PRMT2: variants seen among roughly 807,000 people sequenced by gnomAD.
PRMT2 encodes the protein protein arginine methyltransferase 2, also known as protein arginine N-methyltransferase 2.
PRMT2 carries 26 observed loss-of-function variants against 57.6 expected under a neutral mutation model. The ratio of observed to expected loss-of-function variants is 0.45; its 90% confidence interval spans 0.33 to 0.63. The LOEUF is 0.63. Ranked by LOEUF, PRMT2 falls within the 20% of genes least tolerant of loss-of-function variation. PRMT2 has a pLI of 0.02. For synonymous variants in PRMT2, 219 were observed against 220.0 expected (o/e 1.00, Z 0.04); for missense variants, 472 against 564.4 (o/e 0.84, Z 1.66).
rs748319685 is a variant in PRMT2, at chr21:46,663,420, G to C, written c.1135G>C (p.Asp379His). The C allele has an allele frequency of 3.1e-6, 5 of 1,613,864 alleles. No individual in the cohort carries two copies. In the South Asian group the frequency reaches 3.3e-5, roughly 11 times the overall value. ...GAAGCAGACGCTGTTCATGATGGAC[G>C]ACCCAGTCCCTGTCCATACAGGAGA... is the stretch of plus-strand genomic sequence containing the variant. ...HWKQTLFMMD[D>H]PVPVHTGDVV... Residue 379 changes from aspartate to histidine, a missense_variant, in exon 11 of 12, where the codon GAC becomes CAC. By Grantham distance (81) the Asp-to-His change is moderately conservative. Around this residue, in one of 2 missense-constraint regions of PRMT2, gnomAD observed 229 missense variants for 217.2 expected, o/e 1.05. Coordinates refer to ENST00000355680, the MANE Select transcript of PRMT2 (RefSeq NM_206962.4).
chr21:46,658,480 G>A, intron 7 of PRMT2: 1 of 425,168 alleles, frequency 2.4e-6, no homozygotes, highest in South Asian at 3.4e-5. Flanking sequence ...GTGAAGATTT[G>A]TCCTTGCTTT....
chr21:46,645,784 C>A (rs1820603927), intron 5 of PRMT2, among the ~76,000 whole-genome samples: 1 of 151,462 alleles, frequency 6.6e-6, no homozygotes, highest in South Asian at 2.1e-4. Flanking sequence ...TGGCAGGATC[C>A]TAGTTCACTG....
chr21:46,664,426 T>C lies in PRMT2; in HGVS notation c.*99T>C. 6.9e-7 allele frequency: 1 copy of C among 1,455,210 alleles called. No homozygotes were observed. Among genetic ancestry groups the C allele is most frequent in the South Asian group, 1.1e-5 (1 of 87,534 alleles). 90.1% of individuals were successfully genotyped at this position (1,455,210 alleles called of 1,614,324 possible). A position where few individuals can be genotyped will look rare whatever the true frequency, so the allele number is the denominator to read the frequency against. On this transcript the variant is annotated 3_prime_UTR_variant, in exon 12 of 12. Transcript: ENST00000355680. ...TGGCTTCTGCACACTCCTGCGAAAG[T>C]CGGTGAACATTCACTCCACATTGAC...
At chr21:46,664,049 A>G (rs369815708) in intron 11 of PRMT2, among the ~76,000 whole-genome samples, 1 of 152,180 alleles carries the variant, frequency 6.6e-6, no homozygotes, top group African/African-American at 2.4e-5. Context: ...GGCTGCTGAA[A>G]ATGGAATGTT....
chr21:46,646,321 G>A (rs372387285), intron 5 of PRMT2, among the ~76,000 whole-genome samples: 4 of 152,238 alleles, frequency 2.6e-5, no homozygotes, highest in East Asian at 1.9e-4. Context: ...ATTTCTATCC[G>A]TTAAGGAAAG....
chr21:46,644,610 A>G lies in PRMT2; in HGVS notation c.327+122A>G, dbSNP rs1418631192. On this transcript the variant is annotated intron_variant, in intron 5 of 11. Transcript: ENST00000355680. Reference sequence around the variant, plus strand: ...AGGCCAGAGCTCCTCTGTTGTAGCCACTCAGCTCTGACATGGTTGTGTGGA... The same window carrying G: ...AGGCCAGAGCTCCTCTGTTGTAGCCGCTCAGCTCTGACATGGTTGTGTGGA... The G allele has an allele frequency of 3.4e-5, 33 of 973,742 alleles. No individual in the cohort carries two copies. In the South Asian group the frequency reaches 4.7e-4, roughly 14 times the overall value. 60.3% of individuals were successfully genotyped at this position (973,742 alleles called of 1,614,324 possible).
intron 7 of PRMT2, 43 bp from the exon 8 acceptor site, chr21:46,658,702 G>A: frequency 1.2e-6 from 2 of 1,602,752 alleles, no homozygotes; most frequent in Non-Finnish European, 1.7e-6. Flanking sequence ...TGCAGCCGCG[G>A]GGCCTGTGAT....
chr21:46,645,101 AT>A (rs1423847178), intron 5 of PRMT2, among the ~76,000 whole-genome samples: 4 of 118,270 alleles, frequency 3.4e-5, no homozygotes, highest in African/African-American at 8.3e-5. Flanking sequence ...CAAAAAAAAA[AT>A]TAAAAAAAAA....
intron 10 of PRMT2, among the ~76,000 whole-genome samples, chr21:46,663,165 C>G (rs2061656124): frequency 6.6e-6 from 1 of 152,206 alleles, no homozygotes; most frequent in African/African-American, 2.4e-5. Context: ...CCCAGTGTAT[C>G]CCATAGAGTC....
chr21:46,663,584 T>C (rs1173121536), intron 11 of PRMT2, 30 bp downstream of exon 11: 1 of 1,602,050 alleles, frequency 6.2e-7, no homozygotes, highest in Non-Finnish European at 8.5e-7. Flanking sequence ...GATTCTGTCC[T>C]GTGGGTGCCG....
intron 8 of PRMT2, chr21:46,659,840 A>G (rs1163940753): frequency 1.0e-6 from 1 of 985,424 alleles, no homozygotes. Flanking sequence ...TGTGTCTGTT[A>G]AAAAAGAAAC....
In PRMT2 at chr21:46,648,638, G is replaced by T; in HGVS notation, c.489+19G>T. The T allele has an allele frequency of 1.2e-6, 2 of 1,606,098 alleles. No homozygotes were observed. Among genetic ancestry groups the T allele is most frequent in the Non-Finnish European group, 1.7e-6 (2 of 1,173,510 alleles). On this transcript the variant is annotated intron_variant, in intron 6 of 11. Transcript: ENST00000355680. The surrounding 1 kb of genome is among the most constrained non-coding windows in gnomAD (Gnocchi z 4.8). ...TAGAGCGGTGAGTGGGGTCTCGAGC[G>T]CATCCCGGGTGTTTGTGCCGAGGCT...
Position 46,664,567 on chromosome 21 carries a change from G to T in PRMT2, c.*240G>T. On this transcript the variant is annotated 3_prime_UTR_variant, in exon 12 of 12. Transcript: ENST00000355680. ...AGTGTCTGCCCTCTAGAAGTAGGCT[G>T]TGTTTCCAGGTGTTCACCCGTGGTG... 1.7e-6 allele frequency: 1 copy of T among 587,402 alleles called. No homozygotes were observed. Among genetic ancestry groups the T allele is most frequent in the South Asian group, 2.0e-5 (1 of 50,580 alleles). The allele number at this position is 587,402 out of a possible 1,614,324, so 36.4% of individuals were successfully genotyped here. A position where few individuals can be genotyped will look rare whatever the true frequency, so the allele number is the denominator to read the frequency against.
intron 3 of PRMT2, 144 bp from the exon 4 acceptor site, chr21:46,643,390 TA>T: frequency 7.9e-7 from 1 of 1,268,200 alleles, no homozygotes; most frequent in Non-Finnish European, 1.0e-6. Flanking sequence ...ATTATAGTAG[TA>T]AAGATGATCC....
rs935874167 is a variant in PRMT2 at position 46,664,669 on chromosome 21, C to T, written c.*342C>T. 18 of 363,824 alleles carry T rather than the reference C, an allele frequency of 4.9e-5. No homozygotes were observed. Among genetic ancestry groups the T allele is most frequent in the Non-Finnish European group, 7.8e-5 (15 of 193,474 alleles). The allele number at this position is 363,824 out of a possible 1,614,324, so 22.5% of individuals were successfully genotyped here. On this transcript the variant is annotated 3_prime_UTR_variant, in exon 12 of 12. Coordinates refer to ENST00000355680, the MANE Select transcript of PRMT2 (RefSeq NM_206962.4). ...TCTAGGTCTACACTCCTAGGACGCA[C>T]GCATATCAGCCCGTGTACCCTGTGA... is the stretch of plus-strand genomic sequence containing the variant.
chr21:46,661,248 CAAATA>C (rs775753328), intron 9 of PRMT2: 1 of 225,904 alleles, frequency 4.4e-6, no homozygotes, highest in Non-Finnish European at 8.5e-6. Flanking sequence ...TCTTCAAAAT[CAAATA>C]AATTATATTT....
At chr21:46,651,850 GTC>G (rs760658454) in intron 7 of PRMT2, 5 of 1,612,954 alleles carry the variant, frequency 3.1e-6, no homozygotes, top group Non-Finnish European at 4.2e-6. Flanking sequence ...GCACCTGTGC[GTC>G]TGGCCCTCTT....
chr21:46,640,705 GT>G (rs954658093), intron 3 of PRMT2, among the ~76,000 whole-genome samples: 61 of 145,540 alleles, frequency 4.2e-4, no homozygotes, highest in South Asian at 6.6e-4. Context: ...GGCCTTGATG[GT>G]TTTTTTTTTT....
chr21:46,635,957 T>TTCCC (rs1361784383), intron 1 of PRMT2, 194 bp downstream of exon 1: 1 of 151,360 alleles, frequency 6.6e-6, no homozygotes, highest in East Asian at 1.9e-4. Context: ...CGTCACACCC[T>TTCCC]TCCCTGCGTG....
Sources: gnomAD v4.1 joint callset for allele counts (sites outside exome capture counted in the v4.1 genomes callset) on GRCh38, gnomAD v4.1.1 for gene constraint, gnomAD v4.1.1 regional missense constraint, Gnocchi (gnomAD v3.1) non-coding constraint, MANE v1.5 for transcripts, NCBI Gene and HGNC (gene_info 2026-07-23, HGNC 2026-07-21) for gene names.